NKAIN2: variants seen among roughly 807,000 people sequenced by gnomAD.
The protein encoded by NKAIN2 is sodium/potassium transporting ATPase interacting 2.
NKAIN2 carries 14 observed loss-of-function variants against 32.6 expected under a neutral mutation model. That is an observed-to-expected ratio of 0.43 (90% confidence interval 0.28 to 0.67). The LOEUF (loss-of-function observed/expected upper bound fraction) is 0.67, where lower values mean the gene tolerates loss of function less well. Ranked by LOEUF, NKAIN2 falls within the 30% of genes least tolerant of loss-of-function variation. The probability of loss-of-function intolerance (pLI) is 0.17; values close to 1 mark genes in which losing one functional copy is unlikely to be tolerated. For synonymous variants in NKAIN2, 80 were observed against 87.2 expected, an observed-to-expected ratio of 0.92 and a Z score of 0.46; for missense variants, 198 against 258.3, an observed-to-expected ratio of 0.77 and a Z score of 1.60.
chr6:124,755,336 T>G (rs1277712344), intron 4 of NKAIN2, among the ~76,000 whole-genome samples: 1 of 152,124 alleles, frequency 6.6e-6, no homozygotes, highest in African/African-American at 2.4e-5. Flanking sequence ...TGGCAGCTGA[T>G]TGAATGGTGC....
chr6:124,671,869 T>C (rs368625822), intron 4 of NKAIN2, among the ~76,000 whole-genome samples: 3 of 152,142 alleles, frequency 2.0e-5, no homozygotes, highest in East Asian at 3.9e-4. Flanking sequence ...ATAATTAAAT[T>C]ATAGATGACT....
intron 4 of NKAIN2, among the ~76,000 whole-genome samples, chr6:124,741,858 G>C (rs1777226741): frequency 1.3e-5 from 2 of 151,780 alleles, no homozygotes; most frequent in Non-Finnish European, 2.9e-5. Context: ...AAATATAAAT[G>C]CTTTATAATA....
chr6:124,141,493 T>A (rs1787136134), intron 1 of NKAIN2, among the ~76,000 whole-genome samples: 1 of 152,052 alleles, frequency 6.6e-6, no homozygotes, highest in Non-Finnish European at 1.5e-5. Flanking sequence ...TGGAGGAAAG[T>A]GTAATCTTGC....
intron 1 of NKAIN2, among the ~76,000 whole-genome samples, chr6:123,926,736 C>G (rs1776023163): frequency 2.6e-5 from 4 of 152,202 alleles, no homozygotes. Context: ...AAGAGCTCTC[C>G]TTACCACTGG....
At chr6:124,637,766 C>A (rs1783828539) in intron 3 of NKAIN2, among the ~76,000 whole-genome samples, 1 of 151,772 alleles carries the variant, frequency 6.6e-6, no homozygotes, top group African/African-American at 2.4e-5. Context: ...TAAAGAGGAC[C>A]CCCAAAAATA....
intron 1 of NKAIN2, among the ~76,000 whole-genome samples, chr6:124,248,721 A>G (rs1407835070): frequency 1.3e-5 from 2 of 152,130 alleles, no homozygotes; most frequent in African/African-American, 2.4e-5. Context: ...TCTTAGTACA[A>G]TGCCACTGGG....
chr6:124,756,947 C>CT (rs953981191), intron 4 of NKAIN2, among the ~76,000 whole-genome samples: 22 of 152,010 alleles, frequency 1.4e-4, no homozygotes, highest in Admixed American at 1.1e-3. Context: ...AGTTTTCAGT[C>CT]TTTTTTTACA....
intron 3 of NKAIN2, among the ~76,000 whole-genome samples, chr6:124,534,558 A>G (rs1292364561): frequency 6.6e-6 from 1 of 152,200 alleles, no homozygotes; most frequent in Non-Finnish European, 1.5e-5. Context: ...GTTGATATGT[A>G]TGTTTGAGTA....
At chr6:124,017,667 A>G (rs2114751390) in intron 1 of NKAIN2, among the ~76,000 whole-genome samples, 1 of 152,258 alleles carries the variant, frequency 6.6e-6, no homozygotes, top group South Asian at 2.1e-4. Flanking sequence ...TAAAGCTCCA[A>G]AATGATGTCC....
At chr6:124,778,579 T>C (rs559978307) in intron 4 of NKAIN2, among the ~76,000 whole-genome samples, 10 of 152,008 alleles carry the variant, frequency 6.6e-5, no homozygotes, top group Non-Finnish European at 1.0e-4. Flanking sequence ...ATAGAATTAG[T>C]TTGATATAAA....
chr6:124,540,597 C>A (rs1187707629), intron 3 of NKAIN2, among the ~76,000 whole-genome samples: 15 of 152,154 alleles, frequency 9.9e-5, no homozygotes, highest in Admixed American at 9.8e-4. Context: ...AGTTACATCA[C>A]CTCTGTAAGA....
At chr6:124,756,084 T>C (rs1777952555) in intron 4 of NKAIN2, among the ~76,000 whole-genome samples, 1 of 152,152 alleles carries the variant, frequency 6.6e-6, no homozygotes, top group Admixed American at 6.6e-5. Flanking sequence ...TTAGTTTCCA[T>C]GAACTCATTT....
chr6:123,817,732 T>C (rs1284811568), intron 1 of NKAIN2, among the ~76,000 whole-genome samples: 1 of 151,940 alleles, frequency 6.6e-6, no homozygotes, highest in Non-Finnish European at 1.5e-5. Context: ...TCTAAGCCAG[T>C]GGTAAATGAG....
Position 124,076,105 on chromosome 6 carries a change from G to A in NKAIN2, c.55-206900G>A, listed in dbSNP as rs1326622333. ...TGGTCTCTCTGTAAGTCCCAGCATT[G>A]GCTATCAGCAAAAATTAGAAAGGAA... On this transcript the variant is annotated intron_variant, in intron 1 of 6. Transcript: ENST00000368417. Among the ~76,000 whole-genome samples the A allele has an allele frequency of 6.6e-5, 10 of 152,274 alleles. No homozygotes were observed. In the East Asian group the frequency reaches 1.7e-3, roughly 26 times the overall value.
chr6:123,886,843 C>A (rs562440703), intron 1 of NKAIN2, among the ~76,000 whole-genome samples: 6 of 151,986 alleles, frequency 3.9e-5, no homozygotes, highest in African/African-American at 7.2e-5. Context: ...GTTGTTTAGA[C>A]GCGTTTTTGG....
intron 3 of NKAIN2, among the ~76,000 whole-genome samples, chr6:124,483,531 A>G (rs1777538567): frequency 6.6e-6 from 1 of 152,152 alleles, no homozygotes. Context: ...TTTAGTTTAA[A>G]CCTAGAAAAA....
chr6:124,662,649 G>GACTT (rs1784790343), intron 4 of NKAIN2, among the ~76,000 whole-genome samples: 1 of 152,192 alleles, frequency 6.6e-6, no homozygotes, highest in Non-Finnish European at 1.5e-5. Flanking sequence ...GTCTGGCTAA[G>GACTT]ACTTACTGAG....
intron 1 of NKAIN2, among the ~76,000 whole-genome samples, chr6:123,831,242 C>T (rs1337085536): frequency 6.6e-6 from 1 of 151,776 alleles, no homozygotes; most frequent in African/African-American, 2.4e-5. Flanking sequence ...ATATACTTGG[C>T]AATTGCATTT....
chr6:124,633,722 A>T (rs1783660736), intron 3 of NKAIN2, among the ~76,000 whole-genome samples: 1 of 152,314 alleles, frequency 6.6e-6, no homozygotes, highest in South Asian at 2.1e-4. Flanking sequence ...AATTTTATTG[A>T]CAAGTTAAAA....
Sources: gnomAD v4.1 joint callset for allele counts (sites outside exome capture counted in the v4.1 genomes callset) on GRCh38, gnomAD v4.1.1 for gene constraint, MANE v1.5 for transcripts, NCBI Gene and HGNC (gene_info 2026-07-23, HGNC 2026-07-21) for gene names.